PXDNL: variants seen among roughly 807,000 people sequenced by gnomAD.
PXDNL encodes the protein probable oxidoreductase PXDNL.
Under a neutral mutation model 150.8 loss-of-function variants are expected in PXDNL, and 145 were observed. The observed-to-expected ratio is 0.96, with a 90% CI of 0.84 to 1.10. The LOEUF is 1.10. PXDNL is among the 50% of genes least tolerant of loss of function. PXDNL has a pLI of 0.00. For synonymous variants in PXDNL, 757 were observed against 725.7 expected (o/e 1.04, Z -0.69); for missense variants, 2,087 against 1,873.9 (o/e 1.11, Z -2.10).
intron 12 of PXDNL, among the ~76,000 whole-genome samples, chr8:51,432,311 C>T (rs1809268800): frequency 6.6e-6 from 1 of 152,130 alleles, no homozygotes; most frequent in South Asian, 2.1e-4. Context: ...ATCCTTGAGC[C>T]AACCATACAA....
chr8:51,671,349 T>A (rs1263085008), intron 1 of PXDNL, among the ~76,000 whole-genome samples: 1 of 152,210 alleles, frequency 6.6e-6, no homozygotes, highest in Non-Finnish European at 1.5e-5. Context: ...AAACAAAAAT[T>A]TTATAGTGTC....
In PXDNL at chr8:51,801,312, ACC is replaced by A. The variant is rs2037617563; in HGVS notation, c.164+7867_164+7868del. Among the ~76,000 whole-genome samples the A allele has an allele frequency of 2.0e-5, 3 of 151,088 alleles. No individual in the cohort carries two copies. In the South Asian group the frequency reaches 6.4e-4, roughly 32 times the overall value. ...GGTCAGACCAGTTCTCTGTTCTCGA[ACC>A]CTGTTTTCTGTTAAGATGTTTATCA... On this transcript the variant is annotated intron_variant, in intron 1 of 22. Transcript: ENST00000356297.
intron 2 of PXDNL, among the ~76,000 whole-genome samples, chr8:51,623,554 C>T (rs2130739560): frequency 6.6e-6 from 1 of 152,226 alleles, no homozygotes; most frequent in African/African-American, 2.4e-5. Flanking sequence ...CATTCTCTGC[C>T]CTCCTCCATT....
At chr8:51,324,007 T>G (rs1396966867) in intron 21 of PXDNL, among the ~76,000 whole-genome samples, 1 of 152,132 alleles carries the variant, frequency 6.6e-6, no homozygotes, top group African/African-American at 2.4e-5. Context: ...CGTGGCACTT[T>G]TATTCCAGGC....
At chr8:51,663,296 C>T (rs1815313474) in intron 1 of PXDNL, among the ~76,000 whole-genome samples, 2 of 152,192 alleles carry the variant, frequency 1.3e-5, no homozygotes, top group Admixed American at 1.3e-4. Flanking sequence ...CATTGGCTGA[C>T]TACCAAGGGC....
chr8:51,660,534 T>C (rs1391069746), intron 1 of PXDNL, among the ~76,000 whole-genome samples: 4 of 152,124 alleles, frequency 2.6e-5, no homozygotes, highest in African/African-American at 9.7e-5. Flanking sequence ...CTGATTTCTG[T>C]TTGCGTGTGG....
chr8:51,742,968 A>C (rs1271777692), intron 1 of PXDNL, among the ~76,000 whole-genome samples: 1 of 152,232 alleles, frequency 6.6e-6, no homozygotes, highest in Non-Finnish European at 1.5e-5. Context: ...CTAAAATTTA[A>C]TAAACTCTGA....
chr8:51,668,290 T>C (rs962427677), intron 1 of PXDNL, among the ~76,000 whole-genome samples: 11 of 148,300 alleles, frequency 7.4e-5, no homozygotes, highest in Non-Finnish European at 1.2e-4. Context: ...TTCTCCTGCC[T>C]CAGCCTCCTG....
chr8:51,564,774 G>C (rs1812782721), intron 3 of PXDNL, among the ~76,000 whole-genome samples: 1 of 151,932 alleles, frequency 6.6e-6, no homozygotes, highest in Admixed American at 6.6e-5. Context: ...GCTCATCAAT[G>C]ATGCCAAAAC....
rs35068146 is a variant in PXDNL at position 51,659,857 on chromosome 8, G to GTATTTATT, written c.165-5105_165-5098dup. ...ATGACTGTCCAATTCACAAATTGCAGTATTTATTTATTTATTTATTTATTT... is the reference window on the plus strand; with the variant it reads ...ATGACTGTCCAATTCACAAATTGCAGTATTTATTTATTTATTTATTTATTTATTTATTT... On this transcript the variant is annotated intron_variant, in intron 1 of 22. Coordinates refer to ENST00000356297, the MANE Select transcript of PXDNL (RefSeq NM_144651.5). 2.0e-3 allele frequency among the ~76,000 whole-genome samples: 294 copies of GTATTTATT among 146,036 alleles called. 2 individuals are homozygous for GTATTTATT. The highest frequency in any genetic ancestry group is 6.3e-3 in the East Asian group (31 of 4,918).
chr8:51,643,482 C>A (rs1814824232), intron 2 of PXDNL, among the ~76,000 whole-genome samples: 1 of 152,196 alleles, frequency 6.6e-6, no homozygotes, highest in South Asian at 2.1e-4. Context: ...GGAAAACTGG[C>A]CTGCCATATG....
At chr8:51,404,236 G>A (rs1032962515) in intron 17 of PXDNL, among the ~76,000 whole-genome samples, 1 of 152,236 alleles carries the variant, frequency 6.6e-6, no homozygotes, top group East Asian at 1.9e-4. Flanking sequence ...TGTCGAAAGA[G>A]ACCGGAGTGG....
At chr8:51,521,766 A>G (rs1811669484) in intron 4 of PXDNL, among the ~76,000 whole-genome samples, 1 of 152,182 alleles carries the variant, frequency 6.6e-6, no homozygotes. Flanking sequence ...AAGGAAAGAA[A>G]AAAGAAAAAA....
At position 51,366,205 on chromosome 8, in the gene PXDNL, A is replaced by G. The variant is rs115722345; in HGVS notation, c.3901+5668T>C. ...GTTTGGCCTAAAGATGTCTGGACAT[A>G]GTGAACCTGACTTGAAGTGCAAACA... is the stretch of plus-strand genomic sequence containing the variant. On this transcript the variant is annotated intron_variant, in intron 19 of 22. Coordinates refer to ENST00000356297, the MANE Select transcript of PXDNL (RefSeq NM_144651.5). 3.7e-3 allele frequency among the ~76,000 whole-genome samples: 564 copies of G among 152,348 alleles called. 2 individuals are homozygous for G. Among genetic ancestry groups the G allele is most frequent in the African/African-American group, 0.013 (534 of 41,576 alleles).
intron 17 of PXDNL, among the ~76,000 whole-genome samples, chr8:51,404,915 G>A (rs2915497): frequency 0.59 from 89,857 of 152,020 alleles, 29,248 homozygotes; most frequent in Non-Finnish European, 0.72. Flanking sequence ...AGGAGCCCAC[G>A]GCAAGGGTTG....
intron 1 of PXDNL, among the ~76,000 whole-genome samples, chr8:51,731,025 C>A (rs940332541): frequency 1.3e-5 from 2 of 152,142 alleles, no homozygotes; most frequent in Admixed American, 1.3e-4. Context: ...CTGCCCCTGG[C>A]CCCTCCCAAA....
At chr8:51,486,109 A>G (rs1810727855) in intron 5 of PXDNL, among the ~76,000 whole-genome samples, 1 of 152,120 alleles carries the variant, frequency 6.6e-6, no homozygotes, top group Non-Finnish European at 1.5e-5. Flanking sequence ...TCTTTCTTTA[A>G]ACGTATTTTA....
At chr8:51,329,664 G>A (rs918891551) in intron 21 of PXDNL, among the ~76,000 whole-genome samples, 2 of 151,888 alleles carry the variant, frequency 1.3e-5, no homozygotes, top group African/African-American at 2.4e-5. Context: ...GGAAAACATG[G>A]GTAATGTAAG....
At chr8:51,496,162 A>T (rs1279357219) in intron 5 of PXDNL, among the ~76,000 whole-genome samples, 1 of 152,258 alleles carries the variant, frequency 6.6e-6, no homozygotes, top group Non-Finnish European at 1.5e-5. Flanking sequence ...GCATATAAAC[A>T]GAACCAATGA....
Sources: gnomAD v4.1 joint callset for allele counts (sites outside exome capture counted in the v4.1 genomes callset) on GRCh38, gnomAD v4.1.1 for gene constraint, MANE v1.5 for transcripts, NCBI Gene and HGNC (gene_info 2026-07-23, HGNC 2026-07-21) for gene names.